Variants in SPAG16 observed in about 807,000 individuals in gnomAD.
SPAG16 encodes sperm associated antigen 16, also known as sperm-associated antigen 16 protein.
SPAG16 carries 86 observed loss-of-function variants against 80.4 expected under a neutral mutation model. That is an observed-to-expected ratio of 1.07 (90% confidence interval 0.90 to 1.28). The LOEUF (loss-of-function observed/expected upper bound fraction) is 1.28, where lower values mean the gene tolerates loss of function less well. SPAG16 is among the 50% of genes most tolerant of loss of function. The probability of loss-of-function intolerance (pLI) is 0.00; values close to 1 mark genes in which losing one functional copy is unlikely to be tolerated. For missense variants in SPAG16, 870 were observed against 765.3 expected (o/e 1.14, Z -1.61); for synonymous variants, 294 against 265.9 (o/e 1.11, Z -1.03).
chr2:214,378,069 G>A (rs182445242), intron 15 of SPAG16, among the ~76,000 whole-genome samples: 22 of 152,190 alleles, frequency 1.4e-4, no homozygotes, highest in Middle Eastern at 3.4e-3. Context: ...ACACAGGGCC[G>A]TAAACCAAGG....
At chr2:213,428,430 A>T (rs2070081716) in intron 9 of SPAG16, among the ~76,000 whole-genome samples, 1 of 152,176 alleles carries the variant, frequency 6.6e-6, no homozygotes, top group South Asian at 2.1e-4. Flanking sequence ...GAAAAATGTG[A>T]TTCTCAATCC....
At chr2:214,115,876 CA>C (rs34111831) in intron 14 of SPAG16, among the ~76,000 whole-genome samples, 853 of 66,092 alleles carry the variant, frequency 0.013, 7 homozygotes, top group African/African-American at 0.04. Context: ...GACTCCATCT[CA>C]AAAAAAAAAA....
At chr2:213,909,797 G>T (rs1344478525) in intron 11 of SPAG16, among the ~76,000 whole-genome samples, 1 of 152,114 alleles carries the variant, frequency 6.6e-6, no homozygotes, top group African/African-American at 2.4e-5. Flanking sequence ...ACTTTACTTT[G>T]TGCGAGTGCC....
At chr2:214,247,326 C>T (rs1204144922) in intron 15 of SPAG16, among the ~76,000 whole-genome samples, 1 of 151,870 alleles carries the variant, frequency 6.6e-6, no homozygotes, top group Non-Finnish European at 1.5e-5. Flanking sequence ...ATAGATTCAT[C>T]TGAAGTCTAA....
At chr2:214,170,901 T>A (rs1272989697) in intron 15 of SPAG16, among the ~76,000 whole-genome samples, 1 of 152,056 alleles carries the variant, frequency 6.6e-6, no homozygotes, top group African/African-American at 2.4e-5. Flanking sequence ...GTGTTAGAAA[T>A]TATAAACTCA....
intron 15 of SPAG16, among the ~76,000 whole-genome samples, chr2:214,340,627 C>T (rs1697611314): frequency 1.3e-5 from 2 of 152,178 alleles, no homozygotes; most frequent in Non-Finnish European, 2.9e-5. Context: ...TTGGTTCTTC[C>T]TCTTACCACA....
chr2:213,289,932 A>T (rs562348625), intron 1 of SPAG16, among the ~76,000 whole-genome samples: 32 of 152,340 alleles, frequency 2.1e-4, no homozygotes, highest in African/African-American at 7.2e-4. Context: ...TCTGAAAATT[A>T]TTCATTGGTT....
intron 14 of SPAG16, among the ~76,000 whole-genome samples, chr2:214,138,517 T>C (rs1017568089): frequency 7.2e-5 from 11 of 152,148 alleles, no homozygotes; most frequent in African/African-American, 2.7e-4. Flanking sequence ...AAATAGTCAA[T>C]ATACCAATTT....
At chr2:213,431,873 A>T (rs925284299) in intron 9 of SPAG16, among the ~76,000 whole-genome samples, 6 of 151,768 alleles carry the variant, frequency 4.0e-5, no homozygotes, top group Non-Finnish European at 8.8e-5. Flanking sequence ...TCAACAAATT[A>T]AAAAAAATAG....
At chr2:214,143,244 T>G (rs1024984585) in intron 14 of SPAG16, among the ~76,000 whole-genome samples, 126 of 150,592 alleles carry the variant, frequency 8.4e-4, no homozygotes, top group East Asian at 4.9e-3. Context: ...GTTTTTTTTT[T>G]TTTTTTTTTT....
chr2:213,681,255 G>T (rs543075500), intron 10 of SPAG16, among the ~76,000 whole-genome samples: 9 of 152,230 alleles, frequency 5.9e-5, no homozygotes, highest in Admixed American at 1.3e-4. Context: ...TTTTTTCCTT[G>T]TCTTGTAATG....
chr2:213,795,887 C>T (rs1372468180), intron 10 of SPAG16, among the ~76,000 whole-genome samples: 3 of 152,190 alleles, frequency 2.0e-5, no homozygotes, highest in Non-Finnish European at 4.4e-5. Context: ...GCTTTCTGTA[C>T]AGCCTGCAGA....
chr2:213,997,112 T>A (rs1419468985), intron 12 of SPAG16, among the ~76,000 whole-genome samples: 1 of 152,180 alleles, frequency 6.6e-6, no homozygotes, highest in Non-Finnish European at 1.5e-5. Flanking sequence ...ATATGCTGAC[T>A]TAGGAAGTTC....
At chr2:214,344,158 T>A (rs1357524396) in intron 15 of SPAG16, among the ~76,000 whole-genome samples, 1 of 152,148 alleles carries the variant, frequency 6.6e-6, no homozygotes, top group East Asian at 1.9e-4. Flanking sequence ...AAAGGAGGTA[T>A]GTGTAGATGT....
At chr2:214,379,145 A>ACAT (rs1339795653) in intron 15 of SPAG16, among the ~76,000 whole-genome samples, 1 of 152,204 alleles carries the variant, frequency 6.6e-6, no homozygotes, top group African/African-American at 2.4e-5. Flanking sequence ...ATACATTTCT[A>ACAT]CATATACTTT....
chr2:213,406,927 A>C (rs2068638026), intron 9 of SPAG16, among the ~76,000 whole-genome samples: 1 of 136,244 alleles, frequency 7.3e-6, no homozygotes, highest in Admixed American at 7.4e-5. Flanking sequence ...GCTCTCAGCG[A>C]CGCGGATTTA....
chr2:214,207,862 C>T (rs1394077968), intron 15 of SPAG16, among the ~76,000 whole-genome samples: 1 of 152,228 alleles, frequency 6.6e-6, no homozygotes, highest in Non-Finnish European at 1.5e-5. Flanking sequence ...GTCCTGGATG[C>T]TTCCTGCCCT....
intron 13 of SPAG16, among the ~76,000 whole-genome samples, chr2:214,029,044 GAGA>G (rs1397401887): frequency 6.6e-6 from 1 of 152,016 alleles, no homozygotes; most frequent in Admixed American, 6.6e-5. Context: ...ACATGTTGTG[GAGA>G]AGAAATCAGG....
intron 1 of SPAG16, 157 bp downstream of exon 1, chr2:213,284,776 T>G: frequency 9.4e-7 from 1 of 1,068,196 alleles, no homozygotes. Flanking sequence ...ACCACAGTCT[T>G]CCTGAGAGCC....
Sources: gnomAD v4.1 joint callset for allele counts (sites outside exome capture counted in the v4.1 genomes callset) on GRCh38, gnomAD v4.1.1 for gene constraint, MANE v1.5 for transcripts, NCBI Gene and HGNC (gene_info 2026-07-23, HGNC 2026-07-21) for gene names.